LHFPL2: variants seen among roughly 807,000 people sequenced by gnomAD.
The protein encoded by LHFPL2 is LHFPL tetraspan subfamily member 2, also known as LHFPL tetraspan subfamily member 2 protein.
A neutral mutation model predicts 17.5 loss-of-function variants in LHFPL2; 7 were observed. The ratio of observed to expected loss-of-function variants is 0.40; its 90% confidence interval spans 0.23 to 0.75. The LOEUF (loss-of-function observed/expected upper bound fraction) is 0.75, where lower values mean the gene tolerates loss of function less well. LHFPL2 is among the 30% of genes least tolerant of loss of function. The pLI is 0.37. For synonymous variants in LHFPL2, 134 were observed against 116.2 expected, an observed-to-expected ratio of 1.15 and a Z score of -0.99; for missense variants, 241 against 294.8, an observed-to-expected ratio of 0.82 and a Z score of 1.34.
intron 3 of LHFPL2, among the ~76,000 whole-genome samples, chr5:78,515,192 G>A (rs1277546216): frequency 5.9e-5 from 9 of 152,152 alleles, no homozygotes; most frequent in African/African-American, 1.7e-4. Context: ...TTAAAACCAT[G>A]ACTCAATCAC....
chr5:78,645,543 TAC>T (rs56911011), intron 1 of LHFPL2, among the ~76,000 whole-genome samples: 14,295 of 136,858 alleles, frequency 0.1, 714 homozygotes, highest in Middle Eastern at 0.12. Flanking sequence ...GACAGATGCA[TAC>T]ACACACACAC....
chr5:78,552,663 G>A (rs181305028), intron 3 of LHFPL2, among the ~76,000 whole-genome samples: 3 of 152,196 alleles, frequency 2.0e-5, no homozygotes, highest in African/African-American at 7.2e-5. Context: ...ACTACTGCAG[G>A]GGGGAAAGAA....
intron 3 of LHFPL2, among the ~76,000 whole-genome samples, chr5:78,528,406 C>G (rs1755682559): frequency 6.6e-6 from 1 of 152,210 alleles, no homozygotes; most frequent in Admixed American, 6.5e-5. Flanking sequence ...CTATTGTGAA[C>G]TGTGTGTGCA....
chr5:78,577,084 C>A (rs1369681585), intron 2 of LHFPL2, among the ~76,000 whole-genome samples: 5 of 152,224 alleles, frequency 3.3e-5, no homozygotes, highest in African/African-American at 7.2e-5. Flanking sequence ...AAAAGGATAA[C>A]CCCTCTTACT....
chr5:78,508,990 A>G (rs926047560), intron 4 of LHFPL2, among the ~76,000 whole-genome samples: 1 of 152,152 alleles, frequency 6.6e-6, no homozygotes, highest in Non-Finnish European at 1.5e-5. Context: ...TTGGTTCAGG[A>G]CTCACCTTTC....
At chr5:78,527,188 G>A (rs1011389278) in intron 3 of LHFPL2, among the ~76,000 whole-genome samples, 1 of 152,146 alleles carries the variant, frequency 6.6e-6, no homozygotes, top group Non-Finnish European at 1.5e-5. Context: ...AGCAGTGTGA[G>A]TGACTAAGTG....
chr5:78,505,968 C>T (rs930598888), intron 4 of LHFPL2, among the ~76,000 whole-genome samples: 1 of 152,224 alleles, frequency 6.6e-6, no homozygotes, highest in Non-Finnish European at 1.5e-5. Context: ...TCAGGTGAGG[C>T]CTGAACCCTC....
intron 2 of LHFPL2, among the ~76,000 whole-genome samples, chr5:78,593,503 C>T (rs1561356505): frequency 1.3e-5 from 2 of 152,288 alleles, no homozygotes; most frequent in East Asian, 3.9e-4. Context: ...TTAAAAAATG[C>T]TCCATAAGGT....
intron 2 of LHFPL2, among the ~76,000 whole-genome samples, chr5:78,580,830 G>A (rs1743104333): frequency 6.6e-6 from 1 of 151,956 alleles, no homozygotes; most frequent in South Asian, 2.1e-4. Context: ...AGCGATGCGG[G>A]CTCTTTTTTG....
At chr5:78,578,730 T>A (rs1319032296) in intron 2 of LHFPL2, among the ~76,000 whole-genome samples, 6 of 152,230 alleles carry the variant, frequency 3.9e-5, no homozygotes, top group South Asian at 2.1e-4. Context: ...TTGACTTTGC[T>A]GTCAGTTTTC....
At chr5:78,586,900 A>C (rs1431707872) in intron 2 of LHFPL2, among the ~76,000 whole-genome samples, 1 of 152,244 alleles carries the variant, frequency 6.6e-6, no homozygotes, top group Non-Finnish European at 1.5e-5. Context: ...CACTTGGAAT[A>C]GTCTTTTTAA....
intron 2 of LHFPL2, among the ~76,000 whole-genome samples, chr5:78,584,991 C>CCGGTTTTTTTT (rs1743318598): frequency 1.0e-5 from 1 of 95,862 alleles, no homozygotes; most frequent in African/African-American, 4.2e-5. Context: ...TCCTGGTGCG[C>CCGGTTTTTTTT]TGTGTTTTTT....
intron 2 of LHFPL2, among the ~76,000 whole-genome samples, chr5:78,622,286 A>C (rs1250884059): frequency 6.6e-6 from 1 of 152,160 alleles, no homozygotes; most frequent in East Asian, 1.9e-4. Context: ...ATTAGGGAGA[A>C]ACTTTCAGAA....
At chr5:78,526,458 T>C (rs551845474) in intron 3 of LHFPL2, among the ~76,000 whole-genome samples, 1 of 152,320 alleles carries the variant, frequency 6.6e-6, no homozygotes, top group African/African-American at 2.4e-5. Flanking sequence ...CCTGGCAATA[T>C]TTACTGAAAT....
At chr5:78,545,293 C>G (rs1756237125) in intron 3 of LHFPL2, among the ~76,000 whole-genome samples, 1 of 152,234 alleles carries the variant, frequency 6.6e-6, no homozygotes, top group South Asian at 2.1e-4. Flanking sequence ...AAGGCTCTAT[C>G]TCAGCAAAGT....
intron 2 of LHFPL2, among the ~76,000 whole-genome samples, chr5:78,623,991 A>G (rs559015162): frequency 1.3e-5 from 2 of 152,354 alleles, no homozygotes; most frequent in South Asian, 4.1e-4. Flanking sequence ...TTTTCCCCAG[A>G]ATAACAAAGT....
At chr5:78,508,907 T>A (rs2112319933) in intron 4 of LHFPL2, among the ~76,000 whole-genome samples, 1 of 152,316 alleles carries the variant, frequency 6.6e-6, no homozygotes, top group East Asian at 1.9e-4. Context: ...AACTCAGCCA[T>A]GTGTTTTTGT....
intron 4 of LHFPL2, chr5:78,494,326 G>A: frequency 2.0e-6 from 2 of 980,178 alleles, no homozygotes; most frequent in African/African-American, 1.7e-5. Flanking sequence ...CAGCCACCAT[G>A]GAAAGAAGCC....
intron 3 of LHFPL2, among the ~76,000 whole-genome samples, chr5:78,528,164 C>T (rs768977578): frequency 3.9e-5 from 6 of 152,130 alleles, no homozygotes; most frequent in Non-Finnish European, 8.8e-5. Flanking sequence ...CTATGGGCTT[C>T]CAAGTTCTAT....
Sources: gnomAD v4.1 joint callset for allele counts (sites outside exome capture counted in the v4.1 genomes callset) on GRCh38, gnomAD v4.1.1 for gene constraint, MANE v1.5 for transcripts, NCBI Gene and HGNC (gene_info 2026-07-23, HGNC 2026-07-21) for gene names.